C11orf65: variants seen among roughly 807,000 people sequenced by gnomAD.
The protein encoded by C11orf65 is chromosome 11 open reading frame 65.
A neutral mutation model predicts 35.3 loss-of-function variants in C11orf65; 38 were observed. The ratio of observed to expected loss-of-function variants is 1.08; its 90% CI spans 0.83 to 1.41. The LOEUF (loss-of-function observed/expected upper bound fraction) is 1.41, where lower values mean the gene tolerates loss of function less well. Ranked by LOEUF, C11orf65 falls within the 40% of genes most tolerant of loss-of-function variation. The probability of loss-of-function intolerance (pLI) is 0.00; values close to 1 mark genes in which losing one functional copy is unlikely to be tolerated. For missense variants in C11orf65, 370 were observed against 367.1 expected (o/e 1.01, Z -0.06); for synonymous variants, 105 against 114.4 (o/e 0.92, Z 0.53).
At chr11:108,404,169 A>G (rs908959402) in intron 6 of C11orf65, among the ~76,000 whole-genome samples, 1 of 152,168 alleles carries the variant, frequency 6.6e-6, no homozygotes, top group African/African-American at 2.4e-5. Context: ...TCTTTCAGGC[A>G]CAATATACAA....
rs576254168 is a variant in C11orf65 at position 108,321,364 on chromosome 11, A to C, written c.641-12293T>G. ...AGTCTGTGTATTCGCTCTATCCCAC[A>C]CTTAGCAGGTTGCAGGCCATTGGAG... On this transcript the variant is annotated intron_variant, in intron 6 of 6. Transcript: ENST00000525729. 2 of 1,614,192 alleles carry C rather than the reference A, an allele frequency of 1.2e-6. No individual in the cohort carries two copies. Among genetic ancestry groups the C allele is most frequent in the Non-Finnish European group, 1.7e-6 (2 of 1,180,036 alleles).
chr11:108,385,864 G>A, intron 8 of C11orf65, 56 bp downstream of exon 8: 1 of 1,354,078 alleles, frequency 7.4e-7, no homozygotes, highest in African/African-American at 1.4e-5. Flanking sequence ...TACGTGTGTG[G>A]AATGTATTTT....
chr11:108,459,048 G>A (rs967479735), intron 2 of C11orf65, among the ~76,000 whole-genome samples: 2 of 152,162 alleles, frequency 1.3e-5, no homozygotes, highest in African/African-American at 2.4e-5. Flanking sequence ...TTGCCTGGGG[G>A]CTTCATGACA....
chr11:108,354,718 C>T, intron 2 of C11orf65: 1 of 1,110,712 alleles, frequency 9.0e-7, no homozygotes, highest in Non-Finnish European at 1.4e-6. Flanking sequence ...TAAGCATAGG[C>T]TCAGCATACT....
chr11:108,447,963 T>G (rs2093288473), intron 2 of C11orf65, among the ~76,000 whole-genome samples: 1 of 151,982 alleles, frequency 6.6e-6, no homozygotes, highest in Admixed American at 6.6e-5. Flanking sequence ...TCACCACCAA[T>G]CCCACAGAAA....
chr11:108,433,121 A>G (rs2093013213), intron 2 of C11orf65, among the ~76,000 whole-genome samples: 1 of 152,072 alleles, frequency 6.6e-6, no homozygotes. Context: ...CTTTCCAAAC[A>G]GACCTTCAGT....
At chr11:108,435,782 C>T (rs1477518992) in intron 2 of C11orf65, among the ~76,000 whole-genome samples, 1 of 152,100 alleles carries the variant, frequency 6.6e-6, no homozygotes, top group East Asian at 1.9e-4. Flanking sequence ...TCCCATTCCC[C>T]TAAAACAAAT....
At chr11:108,447,138 C>A (rs1435277488) in intron 2 of C11orf65, among the ~76,000 whole-genome samples, 1 of 152,166 alleles carries the variant, frequency 6.6e-6, no homozygotes, top group East Asian at 1.9e-4. Flanking sequence ...TAAAGCAAGT[C>A]CTGAGTGACC....
intron 2 of C11orf65, among the ~76,000 whole-genome samples, chr11:108,336,869 A>G (rs1314241417): frequency 6.6e-6 from 1 of 152,036 alleles, no homozygotes; most frequent in Non-Finnish European, 1.5e-5. Flanking sequence ...TAACCAGTTT[A>G]GAAATAACAA....
At chr11:108,310,615 CTTAAT>C (rs576884253) in intron 6 of C11orf65, among the ~76,000 whole-genome samples, 19 of 152,176 alleles carry the variant, frequency 1.2e-4, no homozygotes, top group Admixed American at 3.9e-4. Context: ...GCATTGAGAA[CTTAAT>C]TTAAGGGTGA....
intron 6 of C11orf65, among the ~76,000 whole-genome samples, chr11:108,403,114 C>T (rs1027893695): frequency 6.6e-6 from 1 of 152,060 alleles, no homozygotes; most frequent in Non-Finnish European, 1.5e-5. Flanking sequence ...GGTGGAATGA[C>T]TAGGTAGAAT....
chr11:108,310,128 AGTG>A, intron 6 of C11orf65: 5 of 1,600,014 alleles, frequency 3.1e-6, no homozygotes, highest in Non-Finnish European at 4.3e-6. Flanking sequence ...AGTTTAAAAA[AGTG>A]AATGACATTA....
intron 2 of C11orf65, among the ~76,000 whole-genome samples, chr11:108,352,953 T>C (rs2089392750): frequency 6.6e-6 from 1 of 151,808 alleles, no homozygotes. Flanking sequence ...GGGAGGGAAA[T>C]AGGTGCAGCC....
intron 7 of C11orf65, among the ~76,000 whole-genome samples, chr11:108,392,443 T>C (rs1591448791): frequency 6.6e-6 from 1 of 152,218 alleles, no homozygotes; most frequent in African/African-American, 2.4e-5. Context: ...TCTGCTTTTT[T>C]GCTATTATGA....
rs773891864 is a variant in C11orf65, at chr11:108,317,497, A to T, written c.641-8426T>A. 4 of 1,610,614 alleles carry T rather than the reference A, an allele frequency of 2.5e-6. No homozygotes were observed. The Admixed American group carries it at 6.7e-5, about 27-fold the overall frequency. On this transcript the variant is annotated intron_variant, in intron 6 of 6. Coordinates refer to the C11orf65 transcript ENST00000525729. The stretch of plus-strand genomic sequence containing the variant: ...TACCAAGCAGCATGGAGGAATATGC[A>T]GTGGGACCATTGCACTTCCGTCAGG...
intron 2 of C11orf65, chr11:108,346,549 T>C (rs2088429615): frequency 6.6e-6 from 1 of 152,242 alleles, no homozygotes; most frequent in Non-Finnish European, 1.5e-5. Context: ...TTACATACTA[T>C]ACCCCAGGAA....
chr11:108,375,213 A>C (rs948695128), intron 2 of C11orf65, among the ~76,000 whole-genome samples: 3 of 151,958 alleles, frequency 2.0e-5, no homozygotes, highest in South Asian at 2.1e-4. Flanking sequence ...AAATGAAGGA[A>C]AAAATGTTAA....
intron 6 of C11orf65, among the ~76,000 whole-genome samples, chr11:108,322,841 A>G (rs11212588): frequency 0.026 from 3,918 of 151,658 alleles, 180 homozygotes; most frequent in African/African-American, 0.09. Context: ...ATTCGGTTTT[A>G]GCACTGCATT....
intron 6 of C11orf65, chr11:108,320,201 TA>T: frequency 3.0e-6 from 2 of 677,134 alleles, no homozygotes; most frequent in Non-Finnish European, 5.1e-6. Context: ...TGTTTCCTTG[TA>T]ATTCTCTGCC....
Sources: allele counts gnomAD v4.1 joint callset (sites outside exome capture counted in the v4.1 genomes callset), GRCh38; gene constraint gnomAD v4.1.1; transcripts MANE v1.5; gene names NCBI Gene and HGNC (gene_info 2026-07-23, HGNC 2026-07-21).